The following MACROD2 variants were observed in gnomAD, a reference collection of about 807,000 sequenced individuals.
MACROD2 encodes mono-ADP ribosylhydrolase 2, also known as ADP-ribose glycohydrolase MACROD2.
In MACROD2, 36 loss-of-function variants were observed where a neutral mutation model predicts 70.4. The ratio of observed to expected loss-of-function variants is 0.51; its 90% CI spans 0.39 to 0.68. The LOEUF is 0.68. Ranked by LOEUF, MACROD2 falls within the 30% of genes least tolerant of loss-of-function variation. The pLI, the probability that MACROD2 is intolerant of heterozygous loss-of-function variation, is 0.00. For missense variants in MACROD2, 496 were observed against 538.4 expected (o/e 0.92, Z 0.78); for synonymous variants, 172 against 178.8 (o/e 0.96, Z 0.30).
chr20:14,377,108 C>T (rs1163798074), intron 3 of MACROD2, among the ~76,000 whole-genome samples: 4 of 152,044 alleles, frequency 2.6e-5, no homozygotes, highest in Admixed American at 2.6e-4. Context: ...ATTTCTTTAC[C>T]TATATAATGC....
chr20:14,268,340 C>T (rs1305275004), intron 3 of MACROD2, among the ~76,000 whole-genome samples: 1 of 152,080 alleles, frequency 6.6e-6, no homozygotes, highest in African/African-American at 2.4e-5. Flanking sequence ...ATTGGATTTA[C>T]TTGAATTGGT....
At chr20:15,424,686 CT>C (rs1368635032) in intron 6 of MACROD2, among the ~76,000 whole-genome samples, 2 of 145,988 alleles carry the variant, frequency 1.4e-5, no homozygotes, top group African/African-American at 2.6e-5. Flanking sequence ...CACCACTGTA[CT>C]CCAGCCTGGG....
chr20:15,734,806 A>C (rs1418867656), intron 8 of MACROD2, among the ~76,000 whole-genome samples: 1 of 152,216 alleles, frequency 6.6e-6, no homozygotes, highest in East Asian at 1.9e-4. Flanking sequence ...TCTGTGATTC[A>C]ATGAAATACA....
intron 7 of MACROD2, among the ~76,000 whole-genome samples, chr20:15,498,705 T>C (rs1392852789): frequency 6.6e-6 from 1 of 152,206 alleles, no homozygotes; most frequent in Non-Finnish European, 1.5e-5. Context: ...TACAGATTTT[T>C]GTTTTGGGAT....
chr20:14,419,015 A>G (rs1465653177), intron 3 of MACROD2, among the ~76,000 whole-genome samples: 1 of 151,354 alleles, frequency 6.6e-6, no homozygotes, highest in Non-Finnish European at 1.5e-5. Context: ...AATTCTCGTG[A>G]CTTTCTTACT....
At chr20:14,417,046 T>TA (rs1453973289) in intron 3 of MACROD2, among the ~76,000 whole-genome samples, 24 of 131,886 alleles carry the variant, frequency 1.8e-4, no homozygotes, top group African/African-American at 6.1e-4. Flanking sequence ...TATCTATCTA[T>TA]TATCTATCTA....
chr20:15,531,029 G>GTTTTTTTTTT (rs2047792005), intron 8 of MACROD2, among the ~76,000 whole-genome samples: 1 of 146,802 alleles, frequency 6.8e-6, no homozygotes, highest in African/African-American at 2.5e-5. Context: ...AATTGCTGGA[G>GTTTTTTTTTT]TTGTACATCG....
At chr20:15,852,776 G>C (rs958144817) in intron 8 of MACROD2, among the ~76,000 whole-genome samples, 16 of 152,100 alleles carry the variant, frequency 1.1e-4, no homozygotes, top group African/African-American at 3.9e-4. Context: ...CTATTTTCAT[G>C]AATGTTTCTT....
At chr20:15,674,135 G>A (rs6034252) in intron 8 of MACROD2, among the ~76,000 whole-genome samples, 3,120 of 152,224 alleles carry the variant, frequency 0.02, 92 homozygotes, top group African/African-American at 0.069. Context: ...AGAAGTGGCT[G>A]ATCCATGGAC....
In MACROD2 at chr20:15,514,657, GA is replaced by G. The variant is rs550323392; in HGVS notation, c.645+14815del. Among the ~76,000 whole-genome samples the G allele has an allele frequency of 2.5e-3, 374 of 152,238 alleles. 4 individuals are homozygous for G. The highest frequency in any genetic ancestry group is 6.7e-3 in the African/African-American group (278 of 41,556). On this transcript the variant is annotated intron_variant, in intron 8 of 17. Coordinates refer to ENST00000684519, the MANE Select transcript of MACROD2 (RefSeq NM_001351661.2). ...AGGTGATACATAACCATATATAAATGAAAAATAATCACAGGCATTGAAGTAT... is the reference window on the plus strand; with the variant it reads ...AGGTGATACATAACCATATATAAATGAAAATAATCACAGGCATTGAAGTAT...
chr20:14,416,339 G>A (rs2083804920), intron 3 of MACROD2, among the ~76,000 whole-genome samples: 1 of 152,072 alleles, frequency 6.6e-6, no homozygotes, highest in Non-Finnish European at 1.5e-5. Flanking sequence ...ACATTCTGCT[G>A]TTTTTTCCCC....
chr20:14,452,695 A>G (rs2084258189), intron 3 of MACROD2, among the ~76,000 whole-genome samples: 1 of 152,118 alleles, frequency 6.6e-6, no homozygotes, highest in Non-Finnish European at 1.5e-5. Flanking sequence ...GTGAATTGTT[A>G]TTACTACAAA....
At chr20:14,104,311 T>C (rs2054340285) in intron 3 of MACROD2, among the ~76,000 whole-genome samples, 1 of 152,094 alleles carries the variant, frequency 6.6e-6, no homozygotes, top group East Asian at 1.9e-4. Flanking sequence ...CAAAGTAACT[T>C]GGTGGTGGGT....
intron 5 of MACROD2, among the ~76,000 whole-genome samples, chr20:14,880,359 C>T (rs1236706642): frequency 6.6e-6 from 1 of 152,170 alleles, no homozygotes; most frequent in Non-Finnish European, 1.5e-5. Flanking sequence ...CTACTCTTTA[C>T]ATTCTCAACT....
chr20:15,585,612 AGCTCTCTCCCCCAGGGATGGGATCATTC>A (rs1242711211), intron 8 of MACROD2, among the ~76,000 whole-genome samples: 1 of 152,118 alleles, frequency 6.6e-6, no homozygotes, highest in Non-Finnish European at 1.5e-5. Context: ...TAAATATCCA[AGCTCTCTCCCCCAGGGATGGGATCATTC>A]TGTGGCCTGT....
At chr20:15,996,039 A>G (rs577825673) in intron 15 of MACROD2, among the ~76,000 whole-genome samples, 1 of 152,188 alleles carries the variant, frequency 6.6e-6, no homozygotes, top group South Asian at 2.1e-4. Flanking sequence ...GGATGGCTGG[A>G]TCATTTGGTA....
At chr20:15,782,021 AT>A (rs2051842426) in intron 8 of MACROD2, among the ~76,000 whole-genome samples, 1 of 152,206 alleles carries the variant, frequency 6.6e-6, no homozygotes, top group Non-Finnish European at 1.5e-5. Flanking sequence ...ATTATTTAAA[AT>A]AGATCTCTTG....
intron 2 of MACROD2, among the ~76,000 whole-genome samples, chr20:14,066,303 T>G (rs567770604): frequency 6.6e-6 from 1 of 152,324 alleles, no homozygotes; most frequent in Non-Finnish European, 1.5e-5. Context: ...CTATATTTAT[T>G]GGGCATTTAC....
intron 4 of MACROD2, among the ~76,000 whole-genome samples, chr20:14,595,050 G>A (rs1026457675): frequency 2.6e-5 from 4 of 151,952 alleles, no homozygotes; most frequent in African/African-American, 7.3e-5. Flanking sequence ...ATAAAAATGG[G>A]TCAAACCATA....
Sources: gnomAD v4.1 joint callset for allele counts (sites outside exome capture counted in the v4.1 genomes callset) on GRCh38, gnomAD v4.1.1 for gene constraint, MANE v1.5 for transcripts, NCBI Gene and HGNC (gene_info 2026-07-23, HGNC 2026-07-21) for gene names.